Variants in UBA2 observed in about 807,000 individuals in gnomAD.
UBA2 encodes the protein SUMO-activating enzyme subunit 2.
UBA2 carries 11 observed loss-of-function variants against 77.2 expected under a neutral mutation model. That is an observed-to-expected ratio of 0.14 (90% CI 0.09 to 0.24). UBA2 has a LOEUF of 0.24. Among genes scored for constraint, UBA2 ranks in the 10% least tolerant of loss-of-function variants. UBA2 has a pLI of 1.00. For synonymous variants in UBA2, 278 were observed against 276.7 expected (o/e 1.00, Z -0.05); for missense variants, 487 against 781.7 (o/e 0.62, Z 4.50).
At chr19:34,436,498 T>C (rs1230409305) in intron 5 of UBA2, among the ~76,000 whole-genome samples, 1 of 152,074 alleles carries the variant, frequency 6.6e-6, no homozygotes, top group Non-Finnish European at 1.5e-5. Context: ...GGGGTTTCTC[T>C]ATGTTGGTCA....
At chr19:34,451,666 G>A (rs998991975) in intron 9 of UBA2, among the ~76,000 whole-genome samples, 2 of 144,138 alleles carry the variant, frequency 1.4e-5, no homozygotes, top group Admixed American at 1.5e-4. Context: ...TCCTGCCTCA[G>A]CCTCCTGAGT....
Position 34,470,104 on chromosome 19 carries a change from A to AAG in UBA2, c.*884_*885insGA, listed in dbSNP as rs1051687454. ...ACCCCATCTCTACTAAAAAAAAAAA[A>AAG]AAAAATTAGCCGGGCCTGGTGGCAG... On this transcript the variant is annotated 3_prime_UTR_variant, in exon 17 of 17. Coordinates refer to ENST00000246548, the MANE Select transcript of UBA2 (RefSeq NM_005499.3). 2 of 151,462 alleles carry AAG rather than the reference A, an allele frequency of 1.3e-5. No individual in the cohort carries two copies. Among genetic ancestry groups the AAG allele is most frequent in the African/African-American group, 4.9e-5 (2 of 41,112 alleles). The allele number at this position is 151,462 out of a possible 1,614,324, so 9.4% of individuals were successfully genotyped here. A position where few individuals can be genotyped will look rare whatever the true frequency, so the allele number is the denominator to read the frequency against.
intron 6 of UBA2, among the ~76,000 whole-genome samples, chr19:34,439,696 T>C (rs909709051): frequency 6.6e-5 from 10 of 152,068 alleles, no homozygotes; most frequent in Non-Finnish European, 8.8e-5. Flanking sequence ...CAGGTGTACC[T>C]GTACTCCCAG....
intron 12 of UBA2, among the ~76,000 whole-genome samples, chr19:34,458,285 G>A (rs1441170234): frequency 6.6e-6 from 1 of 152,112 alleles, no homozygotes; most frequent in African/African-American, 2.4e-5. Flanking sequence ...GCCGGGCGCG[G>A]TGGCTCACGC....
At chr19:34,447,351 C>CA (rs2075443253) in intron 8 of UBA2, among the ~76,000 whole-genome samples, 1 of 152,102 alleles carries the variant, frequency 6.6e-6, no homozygotes, top group Admixed American at 6.6e-5. Context: ...ACACACACAC[C>CA]CAAGACCAGT....
In UBA2 at chr19:34,469,128, C is replaced by G. The variant is rs760492487; in HGVS notation, c.1830C>G (p.Arg610=). Residue 610 remains arginine, a synonymous_variant, in exon 17 of 17, where the codon CGC becomes CGG. Coordinates refer to ENST00000246548, the MANE Select transcript of UBA2 (RefSeq NM_005499.3). The part of the protein sequence containing the change: ...NADVSEEERS[R]KRKLDEKENL... ...ACGTCAGTGAAGAAGAGAGAAGCCG[C>G]AAGAGGAAATTAGATGAGAAAGAGA... 1 of 1,613,478 alleles carries G rather than the reference C, an allele frequency of 6.2e-7. No individual in the cohort carries two copies. Among genetic ancestry groups the G allele is most frequent in the Non-Finnish European group, 8.5e-7 (1 of 1,179,724 alleles).
At chr19:34,449,121 G>T (rs1451323843) in intron 8 of UBA2, among the ~76,000 whole-genome samples, 1 of 130,246 alleles carries the variant, frequency 7.7e-6, no homozygotes, top group East Asian at 2.4e-4. Flanking sequence ...CCAGGCTGGA[G>T]TGCAGTGGTG....
rs1599914310 is a variant in UBA2, at chr19:34,450,212, ATCTTATC to A, written c.772-52_772-46del. ...TAGATCAGCAATGACGTTTTCTTGT[ATCTTATC>A]AATTAGGGATTATGGGGTTCATGGG... On this transcript the variant is annotated intron_variant, in intron 8 of 16. Coordinates refer to ENST00000246548, the MANE Select transcript of UBA2 (RefSeq NM_005499.3). 37 of 1,274,892 alleles carry A rather than the reference ATCTTATC, an allele frequency of 2.9e-5. No homozygotes were observed. In the East Asian group the frequency reaches 8.7e-4, roughly 30 times the overall value. The allele number at this position is 1,274,892 out of a possible 1,614,324, so 79.0% of individuals were successfully genotyped here.
chr19:34,456,122 T>TTTTTTTTTTTTTTTTTTTC (rs2075559601), intron 12 of UBA2, among the ~76,000 whole-genome samples: 1 of 139,914 alleles, frequency 7.1e-6, no homozygotes, highest in East Asian at 2.1e-4. Context: ...TTTTTTTTTT[T>TTTTTTTTTTTTTTTTTTTC]TTGAGGTGGA....
rs2075598569 is a variant in UBA2, at chr19:34,458,606, C to G, written c.1246-163C>G. On this transcript the variant is annotated intron_variant, in intron 12 of 16. Transcript: ENST00000246548. ...AAAAAAAAAAAAGAAGGTTGAAAAA[C>G]CAGGTTCCTAAAAAGGTCATGATTT... The G allele has an allele frequency of 1.5e-5, 5 of 337,782 alleles. No individual in the cohort carries two copies. In the East Asian group the frequency reaches 2.6e-4, roughly 18 times the overall value. The allele number at this position is 337,782 out of a possible 1,614,324, so 20.9% of individuals were successfully genotyped here.
chr19:34,467,063 G>T, intron 16 of UBA2, 49 bp downstream of exon 16: 1 of 1,593,198 alleles, frequency 6.3e-7, no homozygotes, highest in Non-Finnish European at 8.6e-7. Context: ...CAAAGCAGAA[G>T]TAAAAACAAA....
chr19:34,457,827 G>A (rs576255204), intron 12 of UBA2, among the ~76,000 whole-genome samples: 1 of 152,322 alleles, frequency 6.6e-6, no homozygotes, highest in South Asian at 2.1e-4. Context: ...TTTAGTAGAA[G>A]CAGGAGCTTG....
At chr19:34,448,473 G>A (rs1439773712) in intron 8 of UBA2, among the ~76,000 whole-genome samples, 3 of 151,930 alleles carry the variant, frequency 2.0e-5, no homozygotes, top group African/African-American at 4.8e-5. Context: ...CTGAGCCTGC[G>A]GTCCCCAGCT....
Position 34,452,032 on chromosome 19 carries a change from A to G in UBA2, c.923A>G (p.Lys308Arg). Residue 308 changes from lysine to arginine, a missense_variant, in exon 10 of 17, where the codon AAA becomes AGA. By Grantham distance (26) the Lys-to-Arg change is conservative. Transcript: ENST00000246548. Reference sequence around the variant, plus strand: ...CAGAATGAACCCCAGTTAGGCCTGAAAGACCAGCAGGTTCTAGATGTAAAG... The same window carrying G: ...CAGAATGAACCCCAGTTAGGCCTGAGAGACCAGCAGGTTCTAGATGTAAAG... Reference protein sequence around the residue: ...DQQNEPQLGLKDQQVLDVKSY... With the variant: ...DQQNEPQLGLRDQQVLDVKSY... 4 of 1,608,188 alleles carry G rather than the reference A, an allele frequency of 2.5e-6. No homozygotes were observed. In the South Asian group the frequency reaches 4.4e-5, roughly 18 times the overall value.
intron 5 of UBA2, 44 bp downstream of exon 5, chr19:34,435,012 G>GGGA: frequency 2.3e-6 from 3 of 1,294,492 alleles, no homozygotes; most frequent in Non-Finnish European, 3.3e-6. Context: ...ATATTTATTT[G>GGGA]AGACCTTGGA....
At chr19:34,444,686 A>G (rs2145519345) in intron 7 of UBA2, among the ~76,000 whole-genome samples, 1 of 152,348 alleles carries the variant, frequency 6.6e-6, no homozygotes. Flanking sequence ...GCATACCTGT[A>G]GTCCCAACTA....
chr19:34,467,030 G>A lies in UBA2; in HGVS notation c.1741+16G>A. ...ACCTCCACAGGTGAGTATGGCCCCA[G>A]CCAGCAGGTTGTTAAATACCCACAA... On this transcript the variant is annotated intron_variant, in intron 16 of 16. Coordinates refer to ENST00000246548, the MANE Select transcript of UBA2 (RefSeq NM_005499.3). 2 of 1,606,576 alleles carry A rather than the reference G, an allele frequency of 1.2e-6. No homozygotes were observed. Among genetic ancestry groups the A allele is most frequent in the South Asian group, 2.2e-5 (2 of 90,796 alleles).
intron 5 of UBA2, among the ~76,000 whole-genome samples, chr19:34,436,360 C>T (rs998765263): frequency 3.9e-5 from 6 of 152,032 alleles, no homozygotes; most frequent in African/African-American, 1.4e-4. Flanking sequence ...AGTGCAGTGG[C>T]GCGATCTCAG....
chr19:34,467,582 C>T (rs1167972664), intron 16 of UBA2, among the ~76,000 whole-genome samples: 1 of 152,136 alleles, frequency 6.6e-6, no homozygotes, highest in East Asian at 1.9e-4. Flanking sequence ...TGACACTAAC[C>T]TGGGCAACAC....
Sources: gnomAD v4.1 joint callset for allele counts (sites outside exome capture counted in the v4.1 genomes callset) on GRCh38, gnomAD v4.1.1 for gene constraint, MANE v1.5 for transcripts, NCBI Gene and HGNC (gene_info 2026-07-23, HGNC 2026-07-21) for gene names.